Variants in ASTN1 observed in about 807,000 individuals in gnomAD.
ASTN1 encodes astrotactin 1, also known as astrotactin-1.
Under a neutral mutation model 140.7 loss-of-function variants are expected in ASTN1, and 41 were observed. The ratio of observed to expected loss-of-function variants is 0.29; its 90% CI spans 0.23 to 0.38. The LOEUF is 0.38. Among genes scored for constraint, ASTN1 ranks in the 10% least tolerant of loss-of-function variants. ASTN1 has a pLI of 1.00. For missense variants in ASTN1, 1,479 were observed against 1,678.8 expected (o/e 0.88, Z 2.08); for synonymous variants, 640 against 652.2 (o/e 0.98, Z 0.29).
intron 2 of ASTN1, among the ~76,000 whole-genome samples, chr1:177,048,591 C>T (rs1268263755): frequency 6.6e-6 from 1 of 152,158 alleles, no homozygotes; most frequent in Non-Finnish European, 1.5e-5. Flanking sequence ...TAAATGTCTC[C>T]TTCCGGGAGT....
intron 7 of ASTN1, among the ~76,000 whole-genome samples, chr1:177,021,401 C>T (rs1487225369): frequency 6.6e-6 from 1 of 152,210 alleles, no homozygotes; most frequent in Admixed American, 6.5e-5. Context: ...TTGCTGTAGA[C>T]AAGCAGCTTC....
chr1:177,140,897 G>A (rs1025814811), intron 1 of ASTN1, among the ~76,000 whole-genome samples: 5 of 152,142 alleles, frequency 3.3e-5, no homozygotes, highest in African/African-American at 1.2e-4. Context: ...TTTACCTTAT[G>A]AAGTCTTAGT....
At chr1:177,052,676 G>A (rs551825514) in intron 2 of ASTN1, among the ~76,000 whole-genome samples, 10 of 152,268 alleles carry the variant, frequency 6.6e-5, no homozygotes, top group South Asian at 6.2e-4. Context: ...CTTCTTGCCC[G>A]ATCCAGCTCT....
At chr1:177,110,320 T>A (rs1034512231) in intron 1 of ASTN1, among the ~76,000 whole-genome samples, 2 of 152,240 alleles carry the variant, frequency 1.3e-5, no homozygotes, top group Non-Finnish European at 2.9e-5. Flanking sequence ...TTCCTAAGTG[T>A]AAAAATAAGT....
At chr1:177,154,229 G>T (rs1202658376) in intron 1 of ASTN1, among the ~76,000 whole-genome samples, 1 of 152,124 alleles carries the variant, frequency 6.6e-6, no homozygotes, top group African/African-American at 2.4e-5. Flanking sequence ...TGACCATCAT[G>T]GAATGTTCTG....
intron 5 of ASTN1, among the ~76,000 whole-genome samples, chr1:177,025,077 C>G (rs559500385): frequency 6.6e-6 from 1 of 152,136 alleles, no homozygotes; most frequent in African/African-American, 2.4e-5. Context: ...CAAGGGTGGG[C>G]GGGATGCTTT....
At chr1:177,150,865 T>C (rs1464776301) in intron 1 of ASTN1, among the ~76,000 whole-genome samples, 1 of 152,188 alleles carries the variant, frequency 6.6e-6, no homozygotes, top group Non-Finnish European at 1.5e-5. Flanking sequence ...AACTTACATA[T>C]TGTCTACAGT....
intron 1 of ASTN1, among the ~76,000 whole-genome samples, chr1:177,152,001 A>C (rs1228623037): frequency 6.6e-6 from 1 of 152,178 alleles, no homozygotes; most frequent in Non-Finnish European, 1.5e-5. Context: ...AGCCAGTCAG[A>C]GAAATCAGGA....
At chr1:177,108,259 G>C (rs1680643320) in intron 1 of ASTN1, among the ~76,000 whole-genome samples, 1 of 146,358 alleles carries the variant, frequency 6.8e-6, no homozygotes, top group Admixed American at 7.2e-5. Context: ...TGAGGCAGGA[G>C]AATCGCTTGG....
chr1:176,984,465 C>A (rs914915409), intron 8 of ASTN1, among the ~76,000 whole-genome samples: 1 of 152,028 alleles, frequency 6.6e-6, no homozygotes, highest in African/African-American at 2.4e-5. Context: ...CAGGCTGGAC[C>A]CTTTTGCTTG....
intron 15 of ASTN1, 177 bp downstream of exon 15, chr1:176,936,089 A>G: frequency 2.9e-6 from 2 of 690,518 alleles, no homozygotes; most frequent in Non-Finnish European, 5.3e-6. Context: ...TACTTAGAAA[A>G]GAATTCGATT....
chr1:177,063,771 C>G (rs1678215077), intron 1 of ASTN1, among the ~76,000 whole-genome samples: 1 of 152,118 alleles, frequency 6.6e-6, no homozygotes, highest in Non-Finnish European at 1.5e-5. Flanking sequence ...CAGCGGAAAC[C>G]AAACTCTGTC....
chr1:177,154,072 G>T (rs917685735), intron 1 of ASTN1, among the ~76,000 whole-genome samples: 1 of 152,054 alleles, frequency 6.6e-6, no homozygotes, highest in African/African-American at 2.4e-5. Context: ...CAGCAATTCT[G>T]CTCCTGCTAT....
intron 1 of ASTN1, among the ~76,000 whole-genome samples, chr1:177,112,541 G>A (rs1680872838): frequency 6.6e-6 from 1 of 152,150 alleles, no homozygotes; most frequent in South Asian, 2.1e-4. Context: ...GAGGTCTGAT[G>A]GGAGAAATGG....
At chr1:177,142,316 T>A (rs935576580) in intron 1 of ASTN1, among the ~76,000 whole-genome samples, 1 of 152,044 alleles carries the variant, frequency 6.6e-6, no homozygotes, top group Non-Finnish European at 1.5e-5. Flanking sequence ...AGTTGTTACA[T>A]GATATGCAAA....
At chr1:177,123,531 G>A (rs985371351) in intron 1 of ASTN1, among the ~76,000 whole-genome samples, 1 of 152,114 alleles carries the variant, frequency 6.6e-6, no homozygotes, top group African/African-American at 2.4e-5. Context: ...AGGCAACAGA[G>A]TCTACCAAAT....
At chr1:177,079,509 T>A (rs1428859013) in intron 1 of ASTN1, among the ~76,000 whole-genome samples, 1 of 152,182 alleles carries the variant, frequency 6.6e-6, no homozygotes, top group Non-Finnish European at 1.5e-5. Context: ...AAGGCTCTCG[T>A]TTGAAAGAAG....
At chr1:176,942,524 G>A (rs1257783334) in intron 14 of ASTN1, among the ~76,000 whole-genome samples, 2 of 151,998 alleles carry the variant, frequency 1.3e-5, no homozygotes, top group Non-Finnish European at 2.9e-5. Context: ...AGAGGAAGGT[G>A]TGAAAGGAAA....
chr1:177,139,472 T>C (rs1380832394), intron 1 of ASTN1, among the ~76,000 whole-genome samples: 2 of 152,204 alleles, frequency 1.3e-5, no homozygotes, highest in Non-Finnish European at 2.9e-5. Flanking sequence ...GGCCAATGCA[T>C]ATAAGTCCTG....
Sources: gnomAD v4.1 joint callset for allele counts (sites outside exome capture counted in the v4.1 genomes callset) on GRCh38, gnomAD v4.1.1 for gene constraint, MANE v1.5 for transcripts, NCBI Gene and HGNC (gene_info 2026-07-23, HGNC 2026-07-21) for gene names.